DFFB: variants seen among roughly 807,000 people sequenced by gnomAD.
DFFB encodes DNA fragmentation factor subunit beta, also known as DNA fragmentation factor 40 kDa subunit.
In DFFB, 29 loss-of-function variants were observed where a neutral mutation model predicts 32.7. The observed-to-expected ratio is 0.89, with a 90% CI of 0.66 to 1.21. The LOEUF (loss-of-function observed/expected upper bound fraction) is 1.21. Ranked by LOEUF, DFFB falls within the 50% of genes most tolerant of loss-of-function variation. The pLI is 0.00. For synonymous variants in DFFB, 170 were observed against 177.1 expected (o/e 0.96, Z 0.32); for missense variants, 398 against 440.6 (o/e 0.90, Z 0.87).
rs1638241626 is a variant in DFFB, at chr1:3,883,615, GAACC to G, written c.892_895del (p.Asn298Ter). ...TTTATGGCCTGCTTTTTACCTCAGA[GAACC>G]TAAAACTAGTGCACATTGTCTGCCA... is the stretch of plus-strand genomic sequence containing the variant. On this transcript the variant is annotated frameshift_variant, in exon 7 of 7. Coordinates refer to ENST00000378209, the MANE Select transcript of DFFB (RefSeq NM_004402.4). LOFTEE classifies it low-confidence loss of function (END_TRUNC). 3 of 1,614,124 alleles carry G rather than the reference GAACC, an allele frequency of 1.9e-6. No homozygotes were observed. Among genetic ancestry groups the G allele is most frequent in the Non-Finnish European group, 1.7e-6 (2 of 1,180,024 alleles).
intron 6 of DFFB, among the ~76,000 whole-genome samples, chr1:3,882,731 A>G (rs1645365626): frequency 6.6e-6 from 1 of 152,236 alleles, no homozygotes; most frequent in Non-Finnish European, 1.5e-5. Flanking sequence ...TGGAAAGATC[A>G]ATAGCAAACC....
chr1:3,875,220 T>G (rs1352537553), intron 6 of DFFB, among the ~76,000 whole-genome samples: 1 of 152,234 alleles, frequency 6.6e-6, no homozygotes, highest in Admixed American at 6.5e-5. Context: ...GGATGAACAC[T>G]CTATGGAATG....
chr1:3,872,349 G>C (rs964014062), intron 5 of DFFB, 123 bp from the exon 6 acceptor site: 35 of 672,482 alleles, frequency 5.2e-5, no homozygotes, highest in South Asian at 3.6e-4. Context: ...GGAGGCGGAG[G>C]TTGTAGTAAG....
At chr1:3,879,344 T>G (rs1205561736) in intron 6 of DFFB, among the ~76,000 whole-genome samples, 1 of 152,330 alleles carries the variant, frequency 6.6e-6, no homozygotes, top group East Asian at 1.9e-4. Flanking sequence ...ATGCTGTGCC[T>G]GCGTCTGGGC....
Position 3,872,473 on chromosome 1 carries a change from G to A in DFFB, c.683G>A (p.Gly228Asp). 1 of 1,613,352 alleles carries A rather than the reference G, an allele frequency of 6.2e-7. No homozygotes were observed. ...CTPEGWFSCQ[G>D]PFDMDSCLSR... Reference sequence around the variant, plus strand: ...CCCTCATTGTCTTTTGGCCCCCAGGGTCCCTTTGACATGGACAGCTGCTTA... The same window carrying A: ...CCCTCATTGTCTTTTGGCCCCCAGGATCCCTTTGACATGGACAGCTGCTTA... The change falls in exon 6 of 7, where the codon GGT becomes GAT. Residue 228 changes from glycine (G) to aspartate (D), a missense_variant and splice_region_variant. Coordinates refer to ENST00000378209, the MANE Select transcript of DFFB (RefSeq NM_004402.4).
At chr1:3,869,530 T>G in intron 4 of DFFB, 75 bp from the exon 5 acceptor site, 149 of 1,447,566 alleles carry the variant, frequency 1.0e-4, no homozygotes, top group Non-Finnish European at 1.3e-4. Flanking sequence ...GGCCATGGAG[T>G]GAGATGGATC....
chr1:3,869,839 G>T (rs975856651), intron 5 of DFFB, 64 bp downstream of exon 5: 1 of 1,498,506 alleles, frequency 6.7e-7, no homozygotes, highest in African/African-American at 1.4e-5. Flanking sequence ...CCCGCCTGGG[G>T]CGAGGCGGGT....
chr1:3,858,872 C>T (rs767592645), intron 2 of DFFB, 28 bp downstream of exon 2: 2 of 1,609,736 alleles, frequency 1.2e-6, no homozygotes, highest in Non-Finnish European at 1.7e-6. Flanking sequence ...TGGAGGTGGG[C>T]GGGAAGCTGG....
intron 6 of DFFB, among the ~76,000 whole-genome samples, chr1:3,880,100 T>C (rs1176585391): frequency 6.6e-6 from 1 of 152,166 alleles, no homozygotes; most frequent in Non-Finnish European, 1.5e-5. Flanking sequence ...GGATGGGGTC[T>C]TTGGTTCAGC....
rs1214133825 is a variant in DFFB at position 3,865,610 on chromosome 1, T to C, written c.242-202T>C. 1 of 758,034 alleles carries C rather than the reference T, an allele frequency of 1.3e-6. No homozygotes were observed. Among genetic ancestry groups the C allele is most frequent in the Non-Finnish European group, 2.3e-6 (1 of 427,866 alleles). The allele number at this position is 758,034 out of a possible 1,614,324, so 47.0% of individuals were successfully genotyped here. On this transcript the variant is annotated intron_variant, in intron 2 of 6. Coordinates refer to ENST00000378209, the MANE Select transcript of DFFB (RefSeq NM_004402.4). This position sits in a 1 kb window ranked among gnomAD's most constrained non-coding sequence, Gnocchi z 4.7. ...AAGCACACCCTGCCCCTCCCTCCTC[T>C]GTCCTCATGCCGCCCTTGTGCGTGG...
chr1:3,872,974 G>C, intron 6 of DFFB: 1 of 1,254,562 alleles, frequency 8.0e-7, no homozygotes, highest in South Asian at 1.3e-5. Flanking sequence ...CTGGTGTTAT[G>C]ATAGGTAAGG....
chr1:3,876,622 T>TA (rs1202353664), intron 6 of DFFB, among the ~76,000 whole-genome samples: 1 of 152,180 alleles, frequency 6.6e-6, no homozygotes, highest in African/African-American at 2.4e-5. Flanking sequence ...AACAATGAAA[T>TA]AAAATGCATG....
In DFFB at chr1:3,883,812, G is replaced by GT. The variant is rs1331229533; in HGVS notation, c.*78dup. 5.0e-6 allele frequency: 7 copies of GT among 1,412,344 alleles called. No individual in the cohort carries two copies. The highest frequency in any genetic ancestry group is 1.2e-5 in the South Asian group (1 of 80,072). The allele number at this position is 1,412,344 out of a possible 1,614,324, so 87.5% of individuals were successfully genotyped here. ...CATCATTTTAACAGGTGCCTTTTTT[G>GT]TTTTTTTGTTTTTCGTTTTTTTGGT... On this transcript the variant is annotated 3_prime_UTR_variant, in exon 7 of 7. Transcript: ENST00000378209.
At chr1:3,866,714 A>C (rs10909810) in intron 3 of DFFB, among the ~76,000 whole-genome samples, 108,627 of 151,802 alleles carry the variant, frequency 0.72, 41,506 homozygotes, top group Non-Finnish European at 0.88. Context: ...TGTCCCTGTT[A>C]CATCACTCCC....
rs1644951333 is a variant in DFFB, at chr1:3,865,134, C to G, written c.242-678C>G. On this transcript the variant is annotated intron_variant, in intron 2 of 6. Coordinates refer to ENST00000378209, the MANE Select transcript of DFFB (RefSeq NM_004402.4). The surrounding 1 kb of genome is among the most constrained non-coding windows in gnomAD (Gnocchi z 4.7). ...AGGAAGCTCAGTGTGTTGATTTTCT[C>G]TTTTACGCAGTGCTTTTGATGTTAG... 6.6e-6 allele frequency among the ~76,000 whole-genome samples: 1 copy of G among 151,572 alleles called. No homozygotes were observed. Among genetic ancestry groups the G allele is most frequent in the East Asian group, 1.9e-4 (1 of 5,136 alleles).
chr1:3,877,411 C>T (rs541098016), intron 6 of DFFB, among the ~76,000 whole-genome samples: 1 of 150,266 alleles, frequency 6.7e-6, no homozygotes. Context: ...TCACTGCAAC[C>T]TCTGCCTCCC....
Position 3,865,159 on chromosome 1 carries a change from G to T in DFFB, c.242-653G>T, listed in dbSNP as rs944567412. On this transcript the variant is annotated intron_variant, in intron 2 of 6. Coordinates refer to ENST00000378209, the MANE Select transcript of DFFB (RefSeq NM_004402.4). This position sits in a 1 kb window ranked among gnomAD's most constrained non-coding sequence, Gnocchi z 4.7. ...CTTTTACGCAGTGCTTTTGATGTTAGGTCTAAGGACTTCCACCAAGTCCTC... is the reference window on the plus strand; with the variant it reads ...CTTTTACGCAGTGCTTTTGATGTTATGTCTAAGGACTTCCACCAAGTCCTC... Among the ~76,000 whole-genome samples, 1 of 151,900 alleles carries T rather than the reference G, an allele frequency of 6.6e-6. No homozygotes were observed. The highest frequency in any genetic ancestry group is 2.4e-5 in the African/African-American group (1 of 41,332).
intron 2 of DFFB, among the ~76,000 whole-genome samples, chr1:3,864,595 G>A (rs906410351): frequency 6.6e-6 from 1 of 152,080 alleles, no homozygotes; most frequent in African/African-American, 2.4e-5. Context: ...TGGCAATCAT[G>A]GCTCACTGCA....
chr1:3,867,167 A>G (rs1217003645), intron 3 of DFFB, among the ~76,000 whole-genome samples: 1 of 152,238 alleles, frequency 6.6e-6, no homozygotes, highest in Non-Finnish European at 1.5e-5. Flanking sequence ...AAGTGCTGGG[A>G]TCACAGGCGT....
Sources: gnomAD v4.1 joint callset for allele counts (sites outside exome capture counted in the v4.1 genomes callset) on GRCh38, gnomAD v4.1.1 for gene constraint, Gnocchi (gnomAD v3.1) non-coding constraint, MANE v1.5 for transcripts, NCBI Gene and HGNC (gene_info 2026-07-23, HGNC 2026-07-21) for gene names.